GABRB2: variants seen among roughly 807,000 people sequenced by gnomAD.
GABRB2 encodes gamma-aminobutyric acid receptor subunit beta-2.
GABRB2 carries 16 observed loss-of-function variants against 54.7 expected under a neutral mutation model. The ratio of observed to expected loss-of-function variants is 0.29; its 90% CI spans 0.20 to 0.44. GABRB2 has a LOEUF of 0.44. Ranked by LOEUF, GABRB2 falls within the 20% of genes least tolerant of loss-of-function variation. The pLI is 1.00. For missense variants in GABRB2, 355 were observed against 644.0 expected (o/e 0.55, Z 4.86); for synonymous variants, 244 against 233.8 (o/e 1.04, Z -0.40).
intron 3 of GABRB2, among the ~76,000 whole-genome samples, chr5:161,470,845 T>C (rs1758416786): frequency 6.6e-6 from 1 of 152,036 alleles, no homozygotes; most frequent in Non-Finnish European, 1.5e-5. Context: ...GCTCCCGAAG[T>C]CAGAAACCAT....
intron 3 of GABRB2, among the ~76,000 whole-genome samples, chr5:161,543,691 A>G (rs1408118818): frequency 6.6e-6 from 1 of 152,210 alleles, no homozygotes; most frequent in African/African-American, 2.4e-5. Flanking sequence ...CCACATTAAG[A>G]CATCTTTTAT....
intron 5 of GABRB2, among the ~76,000 whole-genome samples, chr5:161,387,314 C>T (rs544255712): frequency 1.2e-3 from 185 of 152,026 alleles, no homozygotes; most frequent in African/African-American, 4.2e-3. Flanking sequence ...GGCTCTCACC[C>T]AAGACAAGCA....
intron 3 of GABRB2, among the ~76,000 whole-genome samples, chr5:161,497,748 T>C (rs1185637907): frequency 1.3e-5 from 2 of 152,134 alleles, no homozygotes; most frequent in African/African-American, 4.8e-5. Context: ...AGCTAAGTTC[T>C]ATTACAGCCT....
chr5:161,546,494 C>G (rs1760989761), intron 1 of GABRB2, 73 bp downstream of exon 1: 3 of 1,566,714 alleles, frequency 1.9e-6, no homozygotes, highest in South Asian at 1.1e-5. Flanking sequence ...TACTACATTT[C>G]CCTGCTCACA....
intron 5 of GABRB2, among the ~76,000 whole-genome samples, chr5:161,390,679 G>A (rs1755792241): frequency 1.3e-5 from 2 of 151,982 alleles, no homozygotes; most frequent in Admixed American, 6.6e-5. Flanking sequence ...TAAACCTCAA[G>A]TTATTTCAAA....
chr5:161,372,131 T>G (rs1755150456), intron 5 of GABRB2, among the ~76,000 whole-genome samples: 1 of 152,330 alleles, frequency 6.6e-6, no homozygotes, highest in East Asian at 1.9e-4. Flanking sequence ...AAATCAGATC[T>G]GCAGATGTGT....
chr5:161,294,905 C>G (rs1757340033), intron 9 of GABRB2, among the ~76,000 whole-genome samples: 1 of 152,190 alleles, frequency 6.6e-6, no homozygotes, highest in African/African-American at 2.4e-5. Context: ...GGGTAACTAT[C>G]AAGTACTTGC....
chr5:161,409,030 C>T (rs1756428699), intron 5 of GABRB2, among the ~76,000 whole-genome samples: 1 of 152,120 alleles, frequency 6.6e-6, no homozygotes, highest in Non-Finnish European at 1.5e-5. Flanking sequence ...ATCTAATTCT[C>T]TGTAGCAATG....
chr5:161,517,409 A>T (rs1759981520), intron 3 of GABRB2, among the ~76,000 whole-genome samples: 1 of 152,234 alleles, frequency 6.6e-6, no homozygotes, highest in Admixed American at 6.5e-5. Flanking sequence ...TATAAGGGTT[A>T]GCTTTCATCT....
At chr5:161,510,553 T>C (rs1759737039) in intron 3 of GABRB2, among the ~76,000 whole-genome samples, 1 of 151,936 alleles carries the variant, frequency 6.6e-6, no homozygotes, top group Non-Finnish European at 1.5e-5. Flanking sequence ...TTTAAAAACA[T>C]CTTTTATTAC....
At chr5:161,349,414 T>A (rs183328118) in intron 5 of GABRB2, among the ~76,000 whole-genome samples, 2 of 152,142 alleles carry the variant, frequency 1.3e-5, no homozygotes, top group Non-Finnish European at 2.9e-5. Context: ...TGTATTCAAG[T>A]TGAATATGGA....
chr5:161,320,919 T>C (rs978233408), intron 9 of GABRB2, among the ~76,000 whole-genome samples: 6 of 152,014 alleles, frequency 3.9e-5, no homozygotes, highest in Admixed American at 3.3e-4. Flanking sequence ...CTTCATTTCC[T>C]TCAGGTTATG....
chr5:161,512,173 TTCA>T (rs1158567947), intron 3 of GABRB2, among the ~76,000 whole-genome samples: 1 of 152,032 alleles, frequency 6.6e-6, no homozygotes, highest in African/African-American at 2.4e-5. Flanking sequence ...CAAAGCAATC[TTCA>T]GATTCAACTC....
At chr5:161,478,177 A>G (rs1294880694) in intron 3 of GABRB2, among the ~76,000 whole-genome samples, 1 of 152,006 alleles carries the variant, frequency 6.6e-6, no homozygotes, top group Non-Finnish European at 1.5e-5. Context: ...GAGTGCAGAG[A>G]GATCGGTTTG....
intron 3 of GABRB2, among the ~76,000 whole-genome samples, chr5:161,527,093 C>T (rs1038355103): frequency 1.3e-5 from 2 of 151,342 alleles, no homozygotes; most frequent in African/African-American, 4.8e-5. Context: ...ATCTGTCTTA[C>T]ATTTAACGTT....
intron 9 of GABRB2, among the ~76,000 whole-genome samples, chr5:161,309,486 AC>A (rs1479642503): frequency 2.0e-5 from 3 of 152,178 alleles, no homozygotes; most frequent in East Asian, 1.9e-4. Context: ...ATATCACTTG[AC>A]CCAGCAATCC....
rs567587170 is a variant in GABRB2, at chr5:161,374,824, T to A, written c.541+36151A>T. Among the ~76,000 whole-genome samples, 46 of 152,342 alleles carry A rather than the reference T, an allele frequency of 3.0e-4. No individual in the cohort carries two copies. In the South Asian group the frequency reaches 4.4e-3, roughly 14 times the overall value. ...ACCACATTATATATTTATTAGTTTG[T>A]TATCTGCTTCCTCTATTACAGTATT... On this transcript the variant is annotated intron_variant, in intron 5 of 9. Transcript: ENST00000393959.
chr5:161,385,384 G>A (rs1343084776), intron 5 of GABRB2, among the ~76,000 whole-genome samples: 1 of 152,166 alleles, frequency 6.6e-6, no homozygotes, highest in Admixed American at 6.6e-5. Flanking sequence ...GTAATATGTA[G>A]AAGCTCTCTC....
intron 5 of GABRB2, among the ~76,000 whole-genome samples, chr5:161,382,225 C>T (rs1755490645): frequency 6.6e-6 from 1 of 152,166 alleles, no homozygotes; most frequent in Non-Finnish European, 1.5e-5. Flanking sequence ...TCAGTTCCCT[C>T]CAGTCCCAGG....
Sources: allele counts gnomAD v4.1 joint callset (sites outside exome capture counted in the v4.1 genomes callset), GRCh38; gene constraint gnomAD v4.1.1; transcripts MANE v1.5; gene names NCBI Gene and HGNC (gene_info 2026-07-23, HGNC 2026-07-21).